Variants in DAPK1 observed in about 807,000 individuals in gnomAD.
DAPK1 encodes death associated protein kinase 1, also known as death-associated protein kinase 1.
In DAPK1, 56 loss-of-function variants were observed where a neutral mutation model predicts 144.9. The ratio of observed to expected loss-of-function variants is 0.39; its 90% CI spans 0.31 to 0.48. The LOEUF is 0.48. Ranked by LOEUF, DAPK1 falls within the 20% of genes least tolerant of loss-of-function variation. The pLI, the probability that DAPK1 is intolerant of heterozygous loss-of-function variation, is 0.95. For missense variants in DAPK1, 1,454 were observed against 1,875.4 expected (o/e 0.78, Z 4.15); for synonymous variants, 690 against 749.0 (o/e 0.92, Z 1.29).
At chr9:87,551,077 G>A (rs1826465617) in intron 2 of DAPK1, among the ~76,000 whole-genome samples, 1 of 152,156 alleles carries the variant, frequency 6.6e-6, no homozygotes, top group Non-Finnish European at 1.5e-5. Context: ...GCTTCAGTCT[G>A]GTGGAGACAG....
At chr9:87,542,405 A>G (rs549936866) in intron 2 of DAPK1, among the ~76,000 whole-genome samples, 125 of 152,144 alleles carry the variant, frequency 8.2e-4, no homozygotes, top group Admixed American at 2.7e-3. Flanking sequence ...GACACAGAGT[A>G]AGGAATAAAG....
At chr9:87,585,029 A>G (rs1283872202) in intron 2 of DAPK1, among the ~76,000 whole-genome samples, 1 of 152,130 alleles carries the variant, frequency 6.6e-6, no homozygotes, top group African/African-American at 2.4e-5. Flanking sequence ...TTTTAAAATC[A>G]GGTTATTTGT....
intron 2 of DAPK1, among the ~76,000 whole-genome samples, chr9:87,536,043 G>A (rs1057182915): frequency 1.3e-5 from 2 of 152,208 alleles, no homozygotes; most frequent in Non-Finnish European, 2.9e-5. Context: ...CGCCTCCCAA[G>A]TGAAATGGGG....
chr9:87,544,678 C>G (rs568313151), intron 2 of DAPK1, among the ~76,000 whole-genome samples: 1 of 152,026 alleles, frequency 6.6e-6, no homozygotes, highest in Non-Finnish European at 1.5e-5. Flanking sequence ...CCCTACAGTC[C>G]TTTTTCTCGG....
chr9:87,587,039 A>G (rs1184803349), intron 2 of DAPK1, among the ~76,000 whole-genome samples: 3 of 152,348 alleles, frequency 2.0e-5, no homozygotes, highest in Admixed American at 6.5e-5. Flanking sequence ...TTATATCCTT[A>G]GCAAGATCAA....
chr9:87,660,155 G>A (rs908251277), intron 18 of DAPK1, among the ~76,000 whole-genome samples: 6 of 152,134 alleles, frequency 3.9e-5, no homozygotes, highest in Non-Finnish European at 1.5e-5. Context: ...GCCCTCCTGC[G>A]GTGGGAGCAC....
At chr9:87,620,007 C>CTGA (rs1291029843) in intron 3 of DAPK1, among the ~76,000 whole-genome samples, 2 of 151,642 alleles carry the variant, frequency 1.3e-5, no homozygotes, top group Admixed American at 6.5e-5. Context: ...ATGCATGGGC[C>CTGA]CAGACAGACG....
chr9:87,577,594 T>A (rs1205282826), intron 2 of DAPK1, among the ~76,000 whole-genome samples: 2 of 152,254 alleles, frequency 1.3e-5, no homozygotes, highest in Non-Finnish European at 2.9e-5. Flanking sequence ...GGTCAGGAGT[T>A]CCAGACCGTC....
intron 20 of DAPK1, among the ~76,000 whole-genome samples, chr9:87,682,629 T>C (rs561764013): frequency 6.6e-6 from 1 of 152,122 alleles, no homozygotes; most frequent in African/African-American, 2.4e-5. Context: ...AGAATTGAAA[T>C]GAGGAGAAGA....
chr9:87,581,372 A>G (rs972127974), intron 2 of DAPK1, among the ~76,000 whole-genome samples: 22 of 152,192 alleles, frequency 1.4e-4, no homozygotes, highest in Non-Finnish European at 2.6e-4. Flanking sequence ...TTGTAGGCAA[A>G]TAAACTCTGG....
chr9:87,500,799 C>T (rs1229226344), intron 2 of DAPK1, among the ~76,000 whole-genome samples: 5 of 152,194 alleles, frequency 3.3e-5, no homozygotes, highest in African/African-American at 9.6e-5. Context: ...TTGTGTATAA[C>T]GTTCTCCCCA....
chr9:87,512,506 G>A lies in DAPK1; in HGVS notation c.62+13367G>A, dbSNP rs1031505255. On this transcript the variant is annotated intron_variant, in intron 2 of 25. Transcript: ENST00000408954. ...AGCCCATTAGGTTGGTGGCTGAAAG[G>A]CTGGATTGTTAGGATGTACTGAATG... Among the ~76,000 whole-genome samples the A allele has an allele frequency of 3.3e-5, 5 of 152,182 alleles. No homozygotes were observed. The East Asian group carries it at 9.6e-4, about 29-fold the overall frequency.
At chr9:87,703,451 TC>T (rs890099916) in intron 25 of DAPK1, among the ~76,000 whole-genome samples, 97 of 147,980 alleles carry the variant, frequency 6.6e-4, no homozygotes, top group African/African-American at 2.5e-3. Flanking sequence ...TGCTTTTATT[TC>T]CAGAGTCTGT....
intron 2 of DAPK1, among the ~76,000 whole-genome samples, chr9:87,527,919 G>C (rs181090703): frequency 1.4e-4 from 22 of 152,328 alleles, no homozygotes; most frequent in African/African-American, 5.3e-4. Context: ...TGACCAAAAT[G>C]CCGAAGTCAT....
At chr9:87,507,540 T>C (rs931732635) in intron 2 of DAPK1, among the ~76,000 whole-genome samples, 35 of 152,232 alleles carry the variant, frequency 2.3e-4, no homozygotes, top group Admixed American at 2.3e-3. Flanking sequence ...TACCTTTCGA[T>C]GTTTCAGTTG....
chr9:87,524,618 T>C (rs1293416969), intron 2 of DAPK1, among the ~76,000 whole-genome samples: 1 of 152,062 alleles, frequency 6.6e-6, no homozygotes, highest in Admixed American at 6.6e-5. Context: ...CAATTCGCAA[T>C]TGCAAAAATG....
intron 2 of DAPK1, among the ~76,000 whole-genome samples, chr9:87,592,696 GGGTGAGGTCAGCCTCGTGGCT>G (rs1412851549): frequency 5.9e-5 from 9 of 152,130 alleles, no homozygotes; most frequent in Admixed American, 5.9e-4. Context: ...CGGGCCGCGG[GGGTGAGGTCAGCCTCGTGGCT>G]GACTTCCAGG....
Position 87,647,467 on chromosome 9 carries a change from G to A in DAPK1, c.1329+64G>A, listed in dbSNP as rs541070149. 5.1e-6 allele frequency: 7 copies of A among 1,380,932 alleles called. No individual in the cohort carries two copies. The South Asian group carries it at 6.9e-5, about 14-fold the overall frequency. 85.5% of individuals were successfully genotyped at this position (1,380,932 alleles called of 1,614,324 possible). On this transcript the variant is annotated intron_variant, in intron 14 of 25. Coordinates refer to ENST00000408954, the MANE Select transcript of DAPK1 (RefSeq NM_004938.4). ...TAAATGGATGCATGTGAGTGTGAGT[G>A]CTGGCCTACCGTGTGCATCGGGACC... is the stretch of plus-strand genomic sequence containing the variant.
In DAPK1 at chr9:87,686,667, A is replaced by C. The variant is rs756798640; in HGVS notation, c.2341A>C (p.Thr781Pro). The C allele has an allele frequency of 1.2e-6, 2 of 1,613,086 alleles. No individual in the cohort carries two copies. The highest frequency in any genetic ancestry group is 3.3e-5 in the Admixed American group (2 of 59,976). The part of the protein sequence containing the change: ...KGMLEVFVAP[T>P]HHPHCSADDQ... The stretch of plus-strand genomic sequence containing the variant: ...GATGCTGGAGGTGTTTGTGGCCCCG[A>C]CCCACCACCCGCACTGCTCGGCCGA... Residue 781 changes from threonine to proline, a missense_variant, in exon 21 of 26, where the codon ACC (threonine) becomes CCC (proline). By Grantham distance (38) the Thr-to-Pro change is conservative (BLOSUM62 -1). This residue lies in a region of DAPK1 where 1,025 missense variants were observed against 1,237.9 expected (regional missense o/e 0.83). Transcript: ENST00000408954. The surrounding 1 kb of genome is among the most constrained non-coding windows in gnomAD (Gnocchi z 4.2).
Sources: gnomAD v4.1 joint callset for allele counts (sites outside exome capture counted in the v4.1 genomes callset) on GRCh38, gnomAD v4.1.1 for gene constraint, gnomAD v4.1.1 regional missense constraint, Gnocchi (gnomAD v3.1) non-coding constraint, MANE v1.5 for transcripts, NCBI Gene and HGNC (gene_info 2026-07-23, HGNC 2026-07-21) for gene names.